The following OSBPL1A variants were observed in gnomAD, a reference collection of about 807,000 sequenced individuals.
The protein encoded by OSBPL1A is oxysterol-binding protein-related protein 1.
A neutral mutation model predicts 137.1 loss-of-function variants in OSBPL1A; 80 were observed. The observed-to-expected ratio is 0.58, with a 90% CI of 0.49 to 0.70. The LOEUF (loss-of-function observed/expected upper bound fraction) is 0.70. OSBPL1A is among the 30% of genes least tolerant of loss of function. The pLI, the probability that OSBPL1A is intolerant of heterozygous loss-of-function variation, is 0.00. For missense variants in OSBPL1A, 970 were observed against 1,129.4 expected (o/e 0.86, Z 2.02); for synonymous variants, 365 against 389.7 (o/e 0.94, Z 0.75).
chr18:24,170,495 G>A (rs1276410367), intron 23 of OSBPL1A, 42 bp from the exon 24 acceptor site: 2 of 1,612,128 alleles, frequency 1.2e-6, no homozygotes, highest in African/African-American at 2.7e-5. Context: ...ACCAGTGTTT[G>A]TTTTTTTAAA....
rs144135904 is a variant in OSBPL1A at position 24,227,119 on chromosome 18, C to T, written c.1445-1921G>A. On this transcript the variant is annotated intron_variant, in intron 16 of 27. Transcript: ENST00000319481. ...TGTTGGCCAGGCTGGTCTCAGACTC[C>T]TAACCTCAGGTGATCTGCCCACCTC... 2.3e-4 allele frequency among the ~76,000 whole-genome samples: 35 copies of T among 152,110 alleles called. No individual in the cohort carries two copies. The East Asian group carries it at 5.6e-3, about 24-fold the overall frequency.
intron 15 of OSBPL1A, among the ~76,000 whole-genome samples, chr18:24,263,329 T>C (rs1006464579): frequency 3.9e-5 from 6 of 152,228 alleles, no homozygotes; most frequent in Non-Finnish European, 7.3e-5. Context: ...CTAGCTCATA[T>C]GATCCTCCCC....
chr18:24,266,623 A>G (rs1007872188), intron 15 of OSBPL1A, among the ~76,000 whole-genome samples: 1 of 152,196 alleles, frequency 6.6e-6, no homozygotes, highest in Non-Finnish European at 1.5e-5. Flanking sequence ...TGGCTCACAG[A>G]AAAAACTTGG....
intron 21 of OSBPL1A, among the ~76,000 whole-genome samples, chr18:24,175,544 C>T (rs1043132805): frequency 2.2e-4 from 33 of 152,050 alleles, no homozygotes; most frequent in African/African-American, 8.0e-4. Context: ...GCTACAAGTC[C>T]TTTGTTGGCT....
chr18:24,245,983 G>A (rs2146019714), intron 15 of OSBPL1A, among the ~76,000 whole-genome samples: 1 of 152,218 alleles, frequency 6.6e-6, no homozygotes, highest in South Asian at 2.1e-4. Context: ...GTGGAGGCAG[G>A]TGGATCACCC....
Position 24,167,313 on chromosome 18 carries a change from G to A in OSBPL1A, c.2535+16C>T. 1.2e-6 allele frequency: 2 copies of A among 1,603,202 alleles called. No homozygotes were observed. The highest frequency in any genetic ancestry group is 1.7e-6 in the Non-Finnish European group (2 of 1,170,030). On this transcript the variant is annotated intron_variant, in intron 25 of 27. Coordinates refer to ENST00000319481, the MANE Select transcript of OSBPL1A (RefSeq NM_080597.4). Reference sequence around the variant, plus strand: ...AACACAGACAGTGAGGCCACAGCCAGCAAGCCCAGTCTCACCTGGGCAGAA... The same window carrying A: ...AACACAGACAGTGAGGCCACAGCCAACAAGCCCAGTCTCACCTGGGCAGAA...
At chr18:24,354,509 C>T (rs2091497772) in intron 4 of OSBPL1A, among the ~76,000 whole-genome samples, 1 of 152,066 alleles carries the variant, frequency 6.6e-6, no homozygotes, top group South Asian at 2.1e-4. Flanking sequence ...GCCTGAGGTG[C>T]ACTGGAAGTA....
chr18:24,360,463 C>A (rs2091604873), intron 4 of OSBPL1A, among the ~76,000 whole-genome samples: 1 of 152,196 alleles, frequency 6.6e-6, no homozygotes, highest in South Asian at 2.1e-4. Flanking sequence ...AGAAACCAAA[C>A]TCTTTGCACA....
intron 4 of OSBPL1A, among the ~76,000 whole-genome samples, chr18:24,349,583 C>T (rs891962328): frequency 6.6e-6 from 1 of 152,118 alleles, no homozygotes; most frequent in African/African-American, 2.4e-5. Context: ...CAGGCAGACA[C>T]GACCTATTGA....
At chr18:24,356,548 G>A (rs1181785387) in intron 4 of OSBPL1A, among the ~76,000 whole-genome samples, 1 of 152,072 alleles carries the variant, frequency 6.6e-6, no homozygotes, top group African/African-American at 2.4e-5. Flanking sequence ...TGCGGGTGCT[G>A]GTTGGGTCCA....
At chr18:24,379,568 T>C (rs1325069108) in intron 1 of OSBPL1A, among the ~76,000 whole-genome samples, 1 of 150,596 alleles carries the variant, frequency 6.6e-6, no homozygotes, top group African/African-American at 2.4e-5. Context: ...AGGTCAAACA[T>C]TGAAACGAAG....
At chr18:24,262,543 T>C (rs779154328) in intron 15 of OSBPL1A, among the ~76,000 whole-genome samples, 1 of 152,238 alleles carries the variant, frequency 6.6e-6, no homozygotes, top group African/African-American at 2.4e-5. Context: ...GAAACAGTTA[T>C]ATGTAACAGA....
At chr18:24,243,145 T>G (rs2088764358) in intron 15 of OSBPL1A, among the ~76,000 whole-genome samples, 2 of 152,134 alleles carry the variant, frequency 1.3e-5, no homozygotes, top group South Asian at 2.1e-4. Flanking sequence ...AAGAATCGCT[T>G]GAACCCTGAG....
At chr18:24,390,582 C>T (rs1907266659) in intron 1 of OSBPL1A, among the ~76,000 whole-genome samples, 2 of 149,754 alleles carry the variant, frequency 1.3e-5, no homozygotes, top group South Asian at 2.1e-4. Flanking sequence ...GTAATTCCAG[C>T]TACTGGGGAG....
intron 15 of OSBPL1A, among the ~76,000 whole-genome samples, chr18:24,269,761 C>G (rs147393965): frequency 3.0e-4 from 45 of 151,992 alleles, no homozygotes; most frequent in African/African-American, 1.1e-3. Context: ...AAGACAAACA[C>G]AGTCACATGC....
At chr18:24,385,343 A>T (rs1272834448) in intron 1 of OSBPL1A, among the ~76,000 whole-genome samples, 1 of 152,180 alleles carries the variant, frequency 6.6e-6, no homozygotes, top group Non-Finnish European at 1.5e-5. Flanking sequence ...GTGAGCTATA[A>T]TTGCACCACT....
chr18:24,255,969 A>T (rs1471902081), intron 15 of OSBPL1A, among the ~76,000 whole-genome samples: 3 of 151,910 alleles, frequency 2.0e-5, no homozygotes, highest in African/African-American at 7.3e-5. Flanking sequence ...TGATTTTTGT[A>T]TTTTTAGTAG....
intron 1 of OSBPL1A, among the ~76,000 whole-genome samples, chr18:24,380,580 GC>G (rs1906505906): frequency 6.6e-6 from 1 of 152,196 alleles, no homozygotes; most frequent in African/African-American, 2.4e-5. Flanking sequence ...CCCTTCTATA[GC>G]CCTACCAAGC....
chr18:24,198,968 C>G (rs1021029798), intron 17 of OSBPL1A, among the ~76,000 whole-genome samples: 3 of 151,502 alleles, frequency 2.0e-5, no homozygotes, highest in Non-Finnish European at 4.4e-5. Flanking sequence ...AACGATTCTT[C>G]TGCCTCAGCC....
Sources: gnomAD v4.1 joint callset for allele counts (sites outside exome capture counted in the v4.1 genomes callset) on GRCh38, gnomAD v4.1.1 for gene constraint, MANE v1.5 for transcripts, NCBI Gene and HGNC (gene_info 2026-07-23, HGNC 2026-07-21) for gene names.